Variants in MRS2 observed in about 807,000 individuals in gnomAD.
MRS2 encodes the protein magnesium transporter MRS2 homolog, mitochondrial.
MRS2 carries 40 observed loss-of-function variants against 52.6 expected under a neutral mutation model. The observed-to-expected ratio is 0.76, with a 90% confidence interval of 0.59 to 0.99. The LOEUF is 0.99. MRS2 is among the 50% of genes least tolerant of loss of function. MRS2 has a pLI of 0.00. For missense variants in MRS2, 472 were observed against 532.7 expected, an observed-to-expected ratio of 0.89 and a Z score of 1.12; for synonymous variants, 193 against 195.9, an observed-to-expected ratio of 0.98 and a Z score of 0.13.
chr6:24,407,523 C>G (rs1338426974), intron 2 of MRS2, among the ~76,000 whole-genome samples: 3 of 152,176 alleles, frequency 2.0e-5, no homozygotes, highest in Non-Finnish European at 2.9e-5. Flanking sequence ...CATAGTGATT[C>G]ATTAAATGTT....
chr6:24,404,977 T>A (rs1236921730), intron 1 of MRS2, among the ~76,000 whole-genome samples, 191 bp from the exon 2 acceptor site: 1 of 152,240 alleles, frequency 6.6e-6, no homozygotes, highest in Non-Finnish European at 1.5e-5. Flanking sequence ...TTAAAAATCA[T>A]TCCCTGCCAA....
Position 24,408,393 on chromosome 6 carries a change from A to C in MRS2, c.265-15A>C. 2 of 1,518,404 alleles carry C rather than the reference A, an allele frequency of 1.3e-6. No homozygotes were observed. Among genetic ancestry groups the C allele is most frequent in the Non-Finnish European group, 1.8e-6 (2 of 1,094,902 alleles). The allele number at this position is 1,518,404 out of a possible 1,614,324, so 94.1% of individuals were successfully genotyped here. ...TTGAAAGAAAATCATAATTTGTTTT[A>C]TTCTCTATTTTCAGACAAAATTTGA... On this transcript the variant is annotated splice_polypyrimidine_tract_variant and intron_variant, in intron 2 of 10. Coordinates refer to ENST00000378386, the MANE Select transcript of MRS2 (RefSeq NM_020662.4).
intron 8 of MRS2, 80 bp downstream of exon 8, chr6:24,418,316 A>ATT: frequency 6.7e-7 from 1 of 1,485,090 alleles, no homozygotes; most frequent in African/African-American, 1.4e-5. Flanking sequence ...TTTGTGAGGA[A>ATT]TTACGCCATC....
intron 4 of MRS2, chr6:24,410,908 CT>C (rs1761626270): frequency 1.7e-6 from 1 of 600,048 alleles, no homozygotes; most frequent in Non-Finnish European, 2.8e-6. Context: ...TTTCATGAGG[CT>C]AGGTTGTGGT....
intron 1 of MRS2, among the ~76,000 whole-genome samples, chr6:24,404,620 A>G (rs1266486287): frequency 2.0e-5 from 3 of 148,112 alleles, no homozygotes; most frequent in Non-Finnish European, 4.5e-5. Context: ...TAAAATAAAG[A>G]TTTGTCATTT....
chr6:24,403,926 C>A (rs1007226711), intron 1 of MRS2, among the ~76,000 whole-genome samples: 5 of 152,034 alleles, frequency 3.3e-5, no homozygotes, highest in African/African-American at 1.2e-4. Flanking sequence ...AAGTAAACAG[C>A]CAGGGAGATC....
chr6:24,412,265 A>C lies in MRS2; in HGVS notation c.458A>C (p.Asp153Ala), dbSNP rs1402341231. The change falls in exon 5 of 11, where the codon GAT (aspartate) becomes GCT (alanine). Residue 153 changes from aspartate to alanine, a missense_variant. Transcript: ENST00000378386. ...ACTCCAGAGTGTCTTCTGATATTAGATTATCGTAATTTAAACTTAGAGCAA... is the reference window on the plus strand; with the variant it reads ...ACTCCAGAGTGTCTTCTGATATTAGCTTATCGTAATTTAAACTTAGAGCAA... ...VITPECLLIL[D>A]YRNLNLEQWL... 6.3e-7 allele frequency: 1 copy of C among 1,599,244 alleles called. No individual in the cohort carries two copies. Among genetic ancestry groups the C allele is most frequent in the African/African-American group, 1.4e-5 (1 of 73,788 alleles).
intron 9 of MRS2, among the ~76,000 whole-genome samples, chr6:24,420,296 A>C (rs1319664214): frequency 6.6e-6 from 1 of 152,196 alleles, no homozygotes; most frequent in Non-Finnish European, 1.5e-5. Flanking sequence ...CTGGCCCAGT[A>C]AAGTTACTTT....
At chr6:24,421,324 G>A (rs1762034594) in intron 9 of MRS2, among the ~76,000 whole-genome samples, 1 of 152,138 alleles carries the variant, frequency 6.6e-6, no homozygotes. Flanking sequence ...AGTGAGCTAC[G>A]CTTGCTCAGT....
At chr6:24,420,697 G>T (rs1762015897) in intron 9 of MRS2, among the ~76,000 whole-genome samples, 1 of 152,180 alleles carries the variant, frequency 6.6e-6, no homozygotes, top group Admixed American at 6.5e-5. Context: ...GGTGGTCAAG[G>T]AAGATGTAAG....
intron 1 of MRS2, among the ~76,000 whole-genome samples, chr6:24,403,553 TTA>T (rs1353349417): frequency 6.6e-6 from 1 of 152,224 alleles, no homozygotes; most frequent in Non-Finnish European, 1.5e-5. Flanking sequence ...ATCACGTTAG[TTA>T]ACACCCGCTT....
intron 5 of MRS2, 27 bp from the exon 6 acceptor site, chr6:24,414,993 GATTGTTTTAATTC>G (rs1221459479): frequency 6.6e-7 from 1 of 1,522,444 alleles, no homozygotes; most frequent in Non-Finnish European, 8.9e-7. Flanking sequence ...ATTCTAAAAA[GATTGTTTTAATTC>G]TTATGAAAGG....
Position 24,412,209 on chromosome 6 carries a change from T to G in MRS2, c.415-13T>G. The G allele has an allele frequency of 6.5e-7, 1 of 1,530,164 alleles. No individual in the cohort carries two copies. The highest frequency in any genetic ancestry group is 2.3e-5 in the Admixed American group (1 of 44,218). The allele number at this position is 1,530,164 out of a possible 1,614,324, so 94.8% of individuals were successfully genotyped here. On this transcript the variant is annotated splice_polypyrimidine_tract_variant and intron_variant, in intron 4 of 10. Coordinates refer to ENST00000378386, the MANE Select transcript of MRS2 (RefSeq NM_020662.4). ...CACATATTTATATGTTTTGGTTTTT[T>G]TTTTTTTAACAGTATTTGAAAGCTG...
At chr6:24,414,891 C>T (rs1001432206) in intron 5 of MRS2, 142 bp from the exon 6 acceptor site, 2 of 624,664 alleles carry the variant, frequency 3.2e-6, no homozygotes, top group African/African-American at 1.8e-5. Flanking sequence ...CTGGAATAGG[C>T]ATTCTAGAAT....
rs762828549 is a variant in MRS2, at chr6:24,423,599, A to G, written c.1237A>G (p.Lys413Glu). 16 of 1,602,260 alleles carry G rather than the reference A, an allele frequency of 1.0e-5. No homozygotes were observed. In the African/African-American group the frequency reaches 2.0e-4, roughly 20 times the overall value. ...CTTTATTTAGATGGCTTCTTTACCTAAAAAGACTCTTCTGGCAGATAGAAG... is the reference window on the plus strand; with the variant it reads ...CTTTATTTAGATGGCTTCTTTACCTGAAAAGACTCTTCTGGCAGATAGAAG... The part of the protein sequence containing the change: ...PLPPMMASLP[K>E]KTLLADRSME... The change falls in exon 11 of 11, where the codon AAA becomes GAA. Residue 413 changes from lysine (K) to glutamate (E), a missense_variant. Lys to Glu is a moderately conservative substitution (Grantham distance 56). Coordinates refer to ENST00000378386, the MANE Select transcript of MRS2 (RefSeq NM_020662.4).
In MRS2 at chr6:24,403,076, C is replaced by G; in HGVS notation, c.30C>G (p.Leu10=). Residue 10 remains leucine (L), a synonymous_variant, in exon 1 of 11, where the codon CTC becomes CTG. Transcript: ENST00000378386. MECLRSLPC[L]LPRAMRLPRR... is the part of the protein sequence containing the mutation. ...AATGCCTGCGCAGTTTACCCTGCCT[C>G]CTGCCCCGCGCGATGAGACTTCCCC... 6.2e-7 allele frequency: 1 copy of G among 1,611,708 alleles called. No individual in the cohort carries two copies.
At chr6:24,418,037 GA>G in intron 7 of MRS2, 46 bp from the exon 8 acceptor site, 1 of 1,542,578 alleles carries the variant, frequency 6.5e-7, no homozygotes, top group Non-Finnish European at 8.8e-7. Context: ...CTAAGTATAT[GA>G]TACACATGTT....
Position 24,425,668 on chromosome 6 carries a change from C to T in MRS2, c.*1974C>T, listed in dbSNP as rs916847588. ...ACTGTTTGAAAGTAGGTACCAAACA[C>T]TGGGTTATGTGAGTGAGTAAGCAAT... On this transcript the variant is annotated 3_prime_UTR_variant, in exon 11 of 11. Transcript: ENST00000378386. The T allele has an allele frequency of 2.0e-5, 3 of 152,168 alleles. No individual in the cohort carries two copies. The highest frequency in any genetic ancestry group is 4.4e-5 in the Non-Finnish European group (3 of 68,028). The allele number at this position is 152,168 out of a possible 1,614,324, so 9.4% of individuals were successfully genotyped here.
At position 24,425,969 on chromosome 6, in the gene MRS2, A is replaced by C. The variant is rs1280542806; in HGVS notation, c.*2275A>C. 1 of 152,210 alleles carries C rather than the reference A, an allele frequency of 6.6e-6. No homozygotes were observed. The highest frequency in any genetic ancestry group is 1.5e-5 in the Non-Finnish European group (1 of 68,038). 9.4% of individuals were successfully genotyped at this position (152,210 alleles called of 1,614,324 possible). On this transcript the variant is annotated 3_prime_UTR_variant, in exon 11 of 11. Transcript: ENST00000378386. ...TAGTAATACCTACAGAGGTGAGCTA[A>C]TGGATGGTACATGGAGTAGGGACTG...
Sources: gnomAD v4.1 joint callset for allele counts (sites outside exome capture counted in the v4.1 genomes callset) on GRCh38, gnomAD v4.1.1 for gene constraint, MANE v1.5 for transcripts, NCBI Gene and HGNC (gene_info 2026-07-23, HGNC 2026-07-21) for gene names.